The following SHANK2 variants were observed in gnomAD, a reference collection of about 807,000 sequenced individuals.
SHANK2 encodes SH3 and multiple ankyrin repeat domains 2.
Under a neutral mutation model 133.7 loss-of-function variants are expected in SHANK2, and 43 were observed. The ratio of observed to expected loss-of-function variants is 0.32; its 90% CI spans 0.25 to 0.41. The LOEUF is 0.41. SHANK2 is among the 10% of genes least tolerant of loss of function. SHANK2 has a pLI of 1.00. For missense variants in SHANK2, 1,994 were observed against 2,235.8 expected (o/e 0.89, Z 2.18); for synonymous variants, 1,017 against 952.8 (o/e 1.07, Z -1.24).
Position 70,933,400 on chromosome 11 carries a change from G to T in SHANK2, c.1108-36833C>A, listed in dbSNP as rs115375985. ...AAAGAGTTGGTGTTTAATGGGGACA[G>T]AGTTTCAGTTTGGGAAAATGACAAA... On this transcript the variant is annotated intron_variant, in intron 10 of 25. Transcript: ENST00000601538. 1,214 of 438,888 alleles carry T rather than the reference G, an allele frequency of 2.8e-3. 10 individuals are homozygous for T. Among genetic ancestry groups the T allele is most frequent in the African/African-American group, 0.023 (1,143 of 49,542 alleles). 27.2% of individuals were successfully genotyped at this position (438,888 alleles called of 1,614,324 possible).
intron 8 of SHANK2, 78 bp downstream of exon 8, chr11:71,092,344 C>G (rs1555094196): frequency 3.3e-6 from 5 of 1,505,438 alleles, no homozygotes; most frequent in Middle Eastern, 3.8e-4. Flanking sequence ...TTTGGGCCAC[C>G]CTGCTTATCT....
intron 14 of SHANK2, among the ~76,000 whole-genome samples, chr11:70,718,897 C>T (rs368459655): frequency 2.6e-5 from 4 of 152,214 alleles, no homozygotes; most frequent in African/African-American, 4.8e-5. Flanking sequence ...CCCACTTTGC[C>T]GGTCACTGGC....
At chr11:71,098,917 C>G (rs1555096108) in intron 6 of SHANK2, among the ~76,000 whole-genome samples, 1 of 152,112 alleles carries the variant, frequency 6.6e-6, no homozygotes, top group African/African-American at 2.4e-5. Flanking sequence ...ACGGGACCAT[C>G]TCTCCGTGGG....
chr11:70,635,879 A>G (rs572470), intron 17 of SHANK2, among the ~76,000 whole-genome samples: 63,870 of 152,128 alleles, frequency 0.42, 13,836 homozygotes, highest in Middle Eastern at 0.49. Context: ...AGGGCCTCCA[A>G]TGGCTCCCCA....
At chr11:70,631,845 T>C (rs1030353416) in intron 17 of SHANK2, 4 of 152,256 alleles carry the variant, frequency 2.6e-5, no homozygotes, top group African/African-American at 9.6e-5. Context: ...TGCTGTGTAA[T>C]TGGATCACGC....
rs71469418 is a variant in SHANK2 at position 71,120,417 on chromosome 11, G to C, written c.208-1385C>G. On this transcript the variant is annotated intron_variant, in intron 3 of 25. Coordinates refer to ENST00000601538, the MANE Select transcript of SHANK2 (RefSeq NM_012309.5). Reference sequence around the variant, plus strand: ...CTCTATCTGAGGATTCTGTGGGTTTGTGCCCAAGAAAGCAAAAGGCCCTAT... The same window carrying C: ...CTCTATCTGAGGATTCTGTGGGTTTCTGCCCAAGAAAGCAAAAGGCCCTAT... 1.8e-3 allele frequency among the ~76,000 whole-genome samples: 270 copies of C among 152,304 alleles called. 2 individuals carry two copies. The highest frequency in any genetic ancestry group is 3.2e-3 in the Non-Finnish European group (217 of 68,026).
chr11:71,126,513 C>T (rs1451502346), intron 3 of SHANK2, among the ~76,000 whole-genome samples: 3 of 152,102 alleles, frequency 2.0e-5, no homozygotes, highest in East Asian at 3.9e-4. Flanking sequence ...GGATTAATTT[C>T]GACATTCAAG....
At chr11:71,221,063 T>C (rs886860395) in intron 2 of SHANK2, among the ~76,000 whole-genome samples, 4 of 151,858 alleles carry the variant, frequency 2.6e-5, no homozygotes, top group Admixed American at 6.6e-5. Context: ...TAGCCGGGCT[T>C]GGTGGCAGGC....
At chr11:70,693,152 T>C (rs1945325196) in intron 15 of SHANK2, among the ~76,000 whole-genome samples, 1 of 152,192 alleles carries the variant, frequency 6.6e-6, no homozygotes, top group African/African-American at 2.4e-5. Flanking sequence ...ACCACCATTG[T>C]TGCTTGGCCT....
chr11:71,148,872 T>C (rs1437634417), intron 2 of SHANK2, among the ~76,000 whole-genome samples: 1 of 152,140 alleles, frequency 6.6e-6, no homozygotes, highest in African/African-American at 2.4e-5. Context: ...GTCCTACAGA[T>C]GGTACATGGG....
intron 14 of SHANK2, among the ~76,000 whole-genome samples, chr11:70,734,023 G>C (rs1555032885): frequency 6.6e-6 from 1 of 152,192 alleles, no homozygotes; most frequent in Admixed American, 6.5e-5. Flanking sequence ...GAAGACAGGG[G>C]AGGGTGTGCA....
At chr11:70,729,780 G>A (rs555550990) in intron 14 of SHANK2, among the ~76,000 whole-genome samples, 14 of 150,740 alleles carry the variant, frequency 9.3e-5, no homozygotes, top group Admixed American at 7.3e-4. Flanking sequence ...TGATCTGCCT[G>A]CCTCAGCCTC....
chr11:70,636,512 TGA>T (rs1371762198), intron 17 of SHANK2, among the ~76,000 whole-genome samples: 1 of 148,012 alleles, frequency 6.8e-6, no homozygotes, highest in African/African-American at 2.5e-5. Context: ...CGAGGATGCA[TGA>T]GAATGTGTGA....
At chr11:70,637,760 C>T (rs531221130) in intron 17 of SHANK2, among the ~76,000 whole-genome samples, 161 of 152,340 alleles carry the variant, frequency 1.1e-3, no homozygotes, top group Non-Finnish European at 1.0e-3. Context: ...ACCTAGGTGT[C>T]AGACCCCTTT....
At chr11:70,890,497 C>CAAA (rs370111783) in intron 11 of SHANK2, among the ~76,000 whole-genome samples, 8 of 148,160 alleles carry the variant, frequency 5.4e-5, no homozygotes, top group African/African-American at 2.0e-4. Context: ...ACAAAAAAAA[C>CAAA]AAAAAAAACA....
At chr11:70,936,489 G>C (rs1950572587) in intron 10 of SHANK2, among the ~76,000 whole-genome samples, 1 of 152,160 alleles carries the variant, frequency 6.6e-6, no homozygotes. Context: ...TCCAGCCTGG[G>C]TGACAGAGTG....
At chr11:70,716,219 C>T (rs1167866299) in intron 14 of SHANK2, among the ~76,000 whole-genome samples, 3 of 152,172 alleles carry the variant, frequency 2.0e-5, no homozygotes, top group Non-Finnish European at 2.9e-5. Context: ...GAGCAAACAC[C>T]CCAAGCATCT....
intron 11 of SHANK2, among the ~76,000 whole-genome samples, chr11:70,843,085 A>G (rs1356897562): frequency 6.6e-6 from 1 of 152,116 alleles, no homozygotes; most frequent in African/African-American, 2.4e-5. Flanking sequence ...CAGCATGTGG[A>G]AGGCTGGGGT....
At chr11:71,242,081 C>G (rs113508815) in intron 1 of SHANK2, among the ~76,000 whole-genome samples, 5 of 152,306 alleles carry the variant, frequency 3.3e-5, no homozygotes, top group African/African-American at 1.2e-4. Context: ...TTCTGACACA[C>G]GCTACAACAT....
Sources: allele counts gnomAD v4.1 joint callset (sites outside exome capture counted in the v4.1 genomes callset), GRCh38; gene constraint gnomAD v4.1.1; transcripts MANE v1.5; gene names NCBI Gene and HGNC (gene_info 2026-07-23, HGNC 2026-07-21).